The following EPHA6 variants were observed in gnomAD, a reference collection of about 807,000 sequenced individuals.
EPHA6 encodes the protein ephrin type-A receptor 6.
A neutral mutation model predicts 112.0 loss-of-function variants in EPHA6; 50 were observed. The observed-to-expected ratio is 0.45, with a 90% CI of 0.36 to 0.56. The LOEUF (loss-of-function observed/expected upper bound fraction) is 0.56. Ranked by LOEUF, EPHA6 falls within the 20% of genes least tolerant of loss-of-function variation. EPHA6 has a pLI of 0.00. For synonymous variants in EPHA6, 529 were observed against 490.7 expected, an observed-to-expected ratio of 1.08 and a Z score of -1.03; for missense variants, 1,280 against 1,417.4, an observed-to-expected ratio of 0.90 and a Z score of 1.56.
chr3:97,138,553 GCCTAGGAGTAATTCAC>G (rs549712545), intron 3 of EPHA6, among the ~76,000 whole-genome samples: 2 of 152,298 alleles, frequency 1.3e-5, no homozygotes, highest in Non-Finnish European at 2.9e-5. Flanking sequence ...TTTAGTGGTG[GCCTAGGAGTAATTCAC>G]CCCTCCCTAT....
chr3:96,988,065 A>G (rs2043085472), intron 3 of EPHA6, 72 bp downstream of exon 3: 1 of 1,225,842 alleles, frequency 8.2e-7, no homozygotes, highest in Admixed American at 2.9e-5. Context: ...TTTTAAATTA[A>G]CAAATAGTAA....
At chr3:97,278,829 CAGA>C (rs2080188176) in intron 5 of EPHA6, among the ~76,000 whole-genome samples, 1 of 152,176 alleles carries the variant, frequency 6.6e-6, no homozygotes, top group South Asian at 2.1e-4. Context: ...TGGGCAGCAG[CAGA>C]AGGATTTTGA....
intron 5 of EPHA6, among the ~76,000 whole-genome samples, chr3:97,317,830 A>G (rs1212174384): frequency 6.6e-6 from 1 of 152,026 alleles, no homozygotes; most frequent in Non-Finnish European, 1.5e-5. Flanking sequence ...GGAGACAGGT[A>G]CAGGGCAACA....
rs147587359 is a variant in EPHA6 at position 96,893,000 on chromosome 3, G to A, written c.450+26111G>A. On this transcript the variant is annotated intron_variant, in intron 2 of 17. Transcript: ENST00000389672. ...TGTGTGTTCGTGTGTGTGTGTGTGC[G>A]CGCGCAAAGTCATGTGCCACAAAAC... 4.0e-3 allele frequency among the ~76,000 whole-genome samples: 605 copies of A among 151,336 alleles called. 5 individuals are homozygous for A. Among genetic ancestry groups the A allele is most frequent in the South Asian group, 0.014 (67 of 4,772 alleles).
chr3:97,387,121 A>G (rs1304285463), intron 5 of EPHA6, among the ~76,000 whole-genome samples: 3 of 152,218 alleles, frequency 2.0e-5, no homozygotes, highest in African/African-American at 7.2e-5. Flanking sequence ...GGGGCTGCCA[A>G]GAAGGTCTCT....
chr3:97,380,561 C>T (rs184856387), intron 5 of EPHA6, among the ~76,000 whole-genome samples: 27 of 152,122 alleles, frequency 1.8e-4, no homozygotes, highest in South Asian at 4.1e-4. Context: ...GCATTTCTTA[C>T]GTGAAGAAAA....
intron 3 of EPHA6, among the ~76,000 whole-genome samples, chr3:97,197,221 C>A (rs1044670927): frequency 1.3e-5 from 2 of 152,044 alleles, no homozygotes; most frequent in Admixed American, 1.3e-4. Context: ...TCTTCCCTCT[C>A]CTTTCCTCAA....
At chr3:96,837,710 A>G (rs1576102755) in intron 1 of EPHA6, among the ~76,000 whole-genome samples, 2 of 152,260 alleles carry the variant, frequency 1.3e-5, no homozygotes, top group East Asian at 3.9e-4. Context: ...AACTTTAGGC[A>G]GAGACATTTT....
intron 2 of EPHA6, among the ~76,000 whole-genome samples, chr3:96,944,809 G>T (rs753153815): frequency 6.6e-6 from 1 of 152,106 alleles, no homozygotes; most frequent in Non-Finnish European, 1.5e-5. Context: ...GCGTGGTGGC[G>T]CATGTCTGTA....
intron 2 of EPHA6, among the ~76,000 whole-genome samples, chr3:96,917,513 A>G (rs1030738940): frequency 1.3e-5 from 2 of 152,028 alleles, no homozygotes; most frequent in African/African-American, 2.4e-5. Flanking sequence ...TGCTGTGGAA[A>G]AAAAATAAGC....
At chr3:96,944,556 A>T (rs1178250625) in intron 2 of EPHA6, among the ~76,000 whole-genome samples, 1 of 152,180 alleles carries the variant, frequency 6.6e-6, no homozygotes, top group Non-Finnish European at 1.5e-5. Flanking sequence ...CTTATCCAAC[A>T]TATCTAAAAC....
intron 11 of EPHA6, among the ~76,000 whole-genome samples, chr3:97,562,651 G>A (rs2093207778): frequency 6.6e-6 from 1 of 152,178 alleles, no homozygotes; most frequent in Admixed American, 6.6e-5. Context: ...TGTTAACACA[G>A]TGGCAGAGTT....
intron 5 of EPHA6, among the ~76,000 whole-genome samples, chr3:97,311,954 A>G (rs1307337858): frequency 1.3e-5 from 2 of 151,748 alleles, no homozygotes; most frequent in Non-Finnish European, 3.0e-5. Flanking sequence ...TAGTCTTCCA[A>G]TCACTATAGT....
chr3:96,850,649 A>G (rs184830671), intron 1 of EPHA6, among the ~76,000 whole-genome samples: 15 of 152,278 alleles, frequency 9.9e-5, no homozygotes, highest in African/African-American at 3.6e-4. Flanking sequence ...CTGAAGACAT[A>G]TTCTTTCACA....
rs372773880 is a variant in EPHA6, at chr3:97,298,680, G to A, written c.1606+54393G>A. ...TCCTAAAAAAAAGAAATATTATTTA[G>A]TTATTATTTCTTATTTAGTGTATTG... On this transcript the variant is annotated intron_variant, in intron 5 of 17. Coordinates refer to ENST00000389672, the MANE Select transcript of EPHA6 (RefSeq NM_001080448.3). 3.1e-4 allele frequency among the ~76,000 whole-genome samples: 47 copies of A among 151,938 alleles called. No homozygotes were observed. The South Asian group carries it at 9.6e-3, about 31-fold the overall frequency.
At chr3:97,638,156 T>A in intron 14 of EPHA6, 74 bp downstream of exon 14, 1 of 1,077,526 alleles carries the variant, frequency 9.3e-7, no homozygotes, top group Non-Finnish European at 1.3e-6. Context: ...GTAATTCTGT[T>A]TCTGCCTTCC....
intron 2 of EPHA6, among the ~76,000 whole-genome samples, chr3:96,931,728 G>A (rs530985726): frequency 1.2e-4 from 18 of 152,200 alleles, no homozygotes; most frequent in Admixed American, 3.3e-4. Context: ...CCACCCTGTC[G>A]CCATTGGCTG....
In EPHA6 at chr3:97,748,740, C is replaced by A; in HGVS notation, c.*39C>A. ...ACCTGTGTTTTGTGCCTCAGCATTT[C>A]TAAAATGAACGATATCCTCTCTACT... On this transcript the variant is annotated 3_prime_UTR_variant, in exon 18 of 18. Transcript: ENST00000389672. The A allele has an allele frequency of 9.6e-7, 1 of 1,040,442 alleles. No homozygotes were observed. The highest frequency in any genetic ancestry group is 1.5e-6 in the Non-Finnish European group (1 of 665,472). The allele number at this position is 1,040,442 out of a possible 1,614,324, so 64.5% of individuals were successfully genotyped here.
chr3:97,571,790 A>G (rs2107227686), intron 11 of EPHA6, among the ~76,000 whole-genome samples: 1 of 152,192 alleles, frequency 6.6e-6, no homozygotes, highest in East Asian at 1.9e-4. Context: ...ATAAGAACCT[A>G]CAAAAGAGCA....
Sources: gnomAD v4.1 joint callset for allele counts (sites outside exome capture counted in the v4.1 genomes callset) on GRCh38, gnomAD v4.1.1 for gene constraint, MANE v1.5 for transcripts, NCBI Gene and HGNC (gene_info 2026-07-23, HGNC 2026-07-21) for gene names.